Variants in ING5 observed in about 807,000 individuals in gnomAD.
ING5 encodes the protein inhibitor of growth family member 5.
A neutral mutation model predicts 37.4 loss-of-function variants in ING5; 17 were observed. The observed-to-expected ratio is 0.45, with a 90% CI of 0.31 to 0.68. The LOEUF (loss-of-function observed/expected upper bound fraction) is 0.68. Among genes scored for constraint, ING5 ranks in the 30% least tolerant of loss-of-function variants. ING5 has a pLI of 0.05. For synonymous variants in ING5, 123 were observed against 116.6 expected (o/e 1.06, Z -0.36); for missense variants, 233 against 311.9 (o/e 0.75, Z 1.91).
upstream of ING5, among the ~76,000 whole-genome samples, chr2:241,700,669 C>G (rs976668804): frequency 6.6e-6 from 1 of 152,016 alleles, no homozygotes; most frequent in Non-Finnish European, 1.5e-5. Flanking sequence ...TCTTGTCACC[C>G]AAGCTGCAGT....
intron 2 of ING5, among the ~76,000 whole-genome samples, chr2:241,691,033 T>C (rs2069545390): frequency 6.6e-6 from 1 of 151,054 alleles, no homozygotes; most frequent in East Asian, 2.0e-4. Context: ...GGTCTTGAAC[T>C]CCTGACCTCA....
intron 1 of ING5, among the ~76,000 whole-genome samples, chr2:241,688,628 CTTTTA>C (rs1421337161): frequency 6.6e-6 from 1 of 152,030 alleles, no homozygotes; most frequent in Non-Finnish European, 1.5e-5. Flanking sequence ...ACTTTTATTG[CTTTTA>C]TTTTATTTGA....
At chr2:241,718,660 C>A (rs1216075337) in intron 5 of ING5, among the ~76,000 whole-genome samples, 3 of 152,048 alleles carry the variant, frequency 2.0e-5, no homozygotes, top group African/African-American at 7.2e-5. Context: ...GGTGGATCTG[C>A]CTGTTTTTGG....
At chr2:241,706,853 T>C (rs1427358937) in intron 2 of ING5, among the ~76,000 whole-genome samples, 1 of 149,998 alleles carries the variant, frequency 6.7e-6, no homozygotes, top group African/African-American at 2.5e-5. Flanking sequence ...GTCCTTTATA[T>C]GTGTGATCTA....
intron 5 of ING5, among the ~76,000 whole-genome samples, chr2:241,714,466 T>G (rs2070205654): frequency 6.6e-6 from 1 of 152,214 alleles, no homozygotes; most frequent in African/African-American, 2.4e-5. Flanking sequence ...TTGTTTCATG[T>G]AAGTTGTCAG....
intron 5 of ING5, among the ~76,000 whole-genome samples, chr2:241,714,443 T>A (rs1303067251): frequency 6.6e-6 from 1 of 152,232 alleles, no homozygotes; most frequent in East Asian, 1.9e-4. Flanking sequence ...AAAATCTGTG[T>A]CTTTCAAGAA....
intron 1 of ING5, among the ~76,000 whole-genome samples, 192 bp downstream of exon 1, chr2:241,702,294 CG>C (rs928948860): frequency 1.4e-5 from 2 of 147,336 alleles, no homozygotes; most frequent in South Asian, 2.1e-4. Flanking sequence ...GGGGCGGGCG[CG>C]GGGGGTCCCG....
At chr2:241,705,683 G>C (rs2069889256) in intron 2 of ING5, among the ~76,000 whole-genome samples, 1 of 151,794 alleles carries the variant, frequency 6.6e-6, no homozygotes, top group African/African-American at 2.4e-5. Context: ...TGGGATTACA[G>C]GCATGAGCCA....
At chr2:241,721,506 G>C (rs1017692393) in intron 5 of ING5, 10 of 985,384 alleles carry the variant, frequency 1.0e-5, no homozygotes, top group Non-Finnish European at 1.2e-5. Flanking sequence ...ATGTGTACAG[G>C]CAATTGCAAA....
At chr2:241,687,281 CG>C (rs903303696) in exon 1 of ING5, 7 of 398,270 alleles carry the variant, frequency 1.8e-5, no homozygotes, top group African/African-American at 1.4e-4. Context: ...GCGAGACGAA[CG>C]AGCGAGATGC....
chr2:241,698,358 T>G (rs889608282), upstream of ING5, among the ~76,000 whole-genome samples: 1 of 151,394 alleles, frequency 6.6e-6, no homozygotes, highest in African/African-American at 2.4e-5. Flanking sequence ...GGCGGGAGAA[T>G]GGCGTGGATC....
intron 5 of ING5, among the ~76,000 whole-genome samples, chr2:241,718,419 C>CTT (rs1256765166): frequency 0.015 from 1,322 of 85,812 alleles, 10 homozygotes; most frequent in East Asian, 0.019. Context: ...CTCTTTCTGT[C>CTT]TTTTTTTTTT....
At chr2:241,719,364 A>T (rs71351113) in intron 5 of ING5, 245,963 of 629,704 alleles carry the variant, frequency 0.39, 49,415 homozygotes, top group South Asian at 0.48. Flanking sequence ...GCCGCCCCCA[A>T]CCCCCCAACA....
upstream of ING5, among the ~76,000 whole-genome samples, chr2:241,697,367 G>C (rs922280581): frequency 6.6e-6 from 1 of 150,764 alleles, no homozygotes; most frequent in Admixed American, 6.6e-5. Context: ...CCCGGGAGGC[G>C]GAGCTTGCAG....
At chr2:241,707,039 A>G (rs1269986939) in intron 2 of ING5, among the ~76,000 whole-genome samples, 1 of 149,436 alleles carries the variant, frequency 6.7e-6, no homozygotes, top group Non-Finnish European at 1.5e-5. Context: ...GGCTCAACAC[A>G]ACCTCTGCCT....
intron 5 of ING5, chr2:241,719,836 C>A: frequency 7.1e-7 from 1 of 1,402,288 alleles, no homozygotes; most frequent in East Asian, 2.6e-5. Context: ...CAATGCGGAG[C>A]CTGGGAGCTC....
chr2:241,712,463 T>C (rs1033522525), intron 5 of ING5: 24 of 172,228 alleles, frequency 1.4e-4, no homozygotes, highest in Non-Finnish European at 2.6e-4. Flanking sequence ...TCTGTATATC[T>C]GTCAGTTATT....
upstream of ING5, chr2:241,701,902 A>AGCCCGCAGCCCGCC (rs1553581035): frequency 3.0e-6 from 1 of 335,470 alleles, no homozygotes. Flanking sequence ...CGGGCCCCGC[A>AGCCCGCAGCCCGCC]GCCCGCCGCC....
chr2:241,693,439 T>C (rs2124851790), intron 2 of ING5, among the ~76,000 whole-genome samples: 1 of 151,878 alleles, frequency 6.6e-6, no homozygotes, highest in East Asian at 1.9e-4. Flanking sequence ...TCCTTGCAGG[T>C]AGATGTGGCA....
Sources: allele counts gnomAD v4.1 joint callset (sites outside exome capture counted in the v4.1 genomes callset), GRCh38; gene constraint gnomAD v4.1.1; transcripts MANE v1.5; gene names NCBI Gene and HGNC (gene_info 2026-07-23, HGNC 2026-07-21).